Variants in KLRG1 observed in about 807,000 individuals in gnomAD.
KLRG1 encodes the protein killer cell lectin like receptor G1.
A neutral mutation model predicts 21.8 loss-of-function variants in KLRG1; 16 were observed. That is an observed-to-expected ratio of 0.73 (90% CI 0.50 to 1.11). KLRG1 has a LOEUF of 1.11. KLRG1 is among the 50% of genes most tolerant of loss of function. KLRG1 has a pLI of 0.00. For missense variants in KLRG1, 173 were observed against 218.3 expected (o/e 0.79, Z 1.31); for synonymous variants, 69 against 75.9 (o/e 0.91, Z 0.47).
the KLRG1 span, chr12:9,066,384 G>A: frequency 6.6e-6 from 1 of 152,522 alleles, no homozygotes; most frequent in African/African-American, 2.4e-5. Context: ...CCAGGGGGAA[G>A]CTGTTTGTTG....
At chr12:9,157,295 C>T in the KLRG1 span, 2 of 1,614,104 alleles carry the variant, frequency 1.2e-6, no homozygotes, top group Non-Finnish European at 1.7e-6. Context: ...CCATGGGTCC[C>T]CTCCTTTGCT....
chr12:9,028,221 G>A, the KLRG1 span: 206 of 541,988 alleles, frequency 3.8e-4, no homozygotes, highest in African/African-American at 2.9e-3. Flanking sequence ...GTGTGATCTC[G>A]GCTCACTGCA....
chr12:9,152,148 T>C, the KLRG1 span: 94 of 1,101,216 alleles, frequency 8.5e-5, 1 homozygote, highest in East Asian at 2.2e-3. Flanking sequence ...GGTTTTGATA[T>C]TGGTATGGTC....
At chr12:9,120,660 G>T in the KLRG1 span, among the ~76,000 whole-genome samples, 148 of 152,264 alleles carry the variant, frequency 9.7e-4, 1 homozygote, top group African/African-American at 3.5e-3. Context: ...AATTTCATCT[G>T]GTTACATATT....
the KLRG1 span, chr12:9,028,089 A>T: frequency 1.7e-6 from 2 of 1,158,626 alleles, no homozygotes; most frequent in Non-Finnish European, 2.6e-6. Context: ...CATGATTTCA[A>T]TCACTTCAAT....
the KLRG1 span, among the ~76,000 whole-genome samples, chr12:9,017,628 C>T: frequency 0.079 from 12,086 of 152,052 alleles, 725 homozygotes; most frequent in African/African-American, 0.17. Flanking sequence ...CAATAAAAGC[C>T]GTATATGAGA....
At chr12:9,083,108 G>C in the KLRG1 span, among the ~76,000 whole-genome samples, 1 of 152,118 alleles carries the variant, frequency 6.6e-6, no homozygotes, top group Non-Finnish European at 1.5e-5. Context: ...GATGAAGCTG[G>C]AAACCATCAT....
chr12:9,208,256 T>C, the KLRG1 span: 3 of 1,610,892 alleles, frequency 1.9e-6, no homozygotes, highest in Non-Finnish European at 2.5e-6. Flanking sequence ...GAGTGAGACT[T>C]ACGGTTCTGT....
chr12:9,202,219 G>A, the KLRG1 span: 1 of 1,106,696 alleles, frequency 9.0e-7, no homozygotes, highest in Admixed American at 2.0e-5. Context: ...TCAAAAACAA[G>A]TGTCTTTCAT....
At chr12:9,199,984 G>A in the KLRG1 span, among the ~76,000 whole-genome samples, 2 of 152,138 alleles carry the variant, frequency 1.3e-5, no homozygotes, top group African/African-American at 4.8e-5. Flanking sequence ...CTGTAAACTT[G>A]CAATTAGTTT....
intron 1 of KLRG1, among the ~76,000 whole-genome samples, chr12:8,967,169 A>C (rs1946487947): frequency 8.5e-6 from 1 of 117,544 alleles, no homozygotes. Context: ...GGAACATCAC[A>C]CACCGGGGAC....
At chr12:9,154,044 T>C in the KLRG1 span, among the ~76,000 whole-genome samples, 176 of 152,318 alleles carry the variant, frequency 1.2e-3, 4 homozygotes, top group Middle Eastern at 6.8e-3. Flanking sequence ...GTAGTTGAAA[T>C]GGAACTTCTC....
At chr12:9,032,171 G>A in the KLRG1 span, among the ~76,000 whole-genome samples, 62 of 152,306 alleles carry the variant, frequency 4.1e-4, no homozygotes, top group African/African-American at 1.3e-3. Context: ...GCTACTCAGT[G>A]ATGAGTATAA....
downstream of KLRG1, among the ~76,000 whole-genome samples, chr12:9,015,003 A>G (rs1042924148): frequency 6.6e-6 from 1 of 152,124 alleles, no homozygotes; most frequent in African/African-American, 2.4e-5. Context: ...ATAAAAAAAC[A>G]TACAACAGAT....
the KLRG1 span, chr12:9,164,231 G>A: frequency 6.2e-7 from 1 of 1,612,890 alleles, no homozygotes; most frequent in African/African-American, 1.3e-5. Context: ...AGCTAGGAAG[G>A]CTGGAGAGGC....
the KLRG1 span, chr12:9,160,373 T>C: frequency 3.7e-6 from 6 of 1,614,086 alleles, no homozygotes; most frequent in African/African-American, 4.0e-5. Context: ...CTGGGTTTCA[T>C]TCAGATAGTT....
chr12:9,102,495 C>T, the KLRG1 span, among the ~76,000 whole-genome samples: 41 of 152,276 alleles, frequency 2.7e-4, no homozygotes, highest in African/African-American at 9.4e-4. Flanking sequence ...GGATTACAGG[C>T]GTGAGCTACC....
the KLRG1 span, among the ~76,000 whole-genome samples, chr12:9,024,594 C>T: frequency 6.6e-6 from 1 of 152,038 alleles, no homozygotes; most frequent in African/African-American, 2.4e-5. Flanking sequence ...TGGCAATATG[C>T]ATTTTAAATT....
At chr12:9,060,519 C>T in the KLRG1 span, among the ~76,000 whole-genome samples, 6 of 152,088 alleles carry the variant, frequency 3.9e-5, no homozygotes, top group African/African-American at 1.4e-4. Flanking sequence ...ATAGTTCCAG[C>T]TCCTAGGGAG....
Sources: allele counts gnomAD v4.1 joint callset (sites outside exome capture counted in the v4.1 genomes callset), GRCh38; gene constraint gnomAD v4.1.1; transcripts MANE v1.5; gene names NCBI Gene and HGNC (gene_info 2026-07-23, HGNC 2026-07-21).